Variants in FAM184B observed in about 807,000 individuals in gnomAD.
FAM184B encodes the protein family with sequence similarity 184 member B.
FAM184B carries 111 observed loss-of-function variants against 135.9 expected under a neutral mutation model. The ratio of observed to expected loss-of-function variants is 0.82; its 90% CI spans 0.70 to 0.96. The LOEUF (loss-of-function observed/expected upper bound fraction) is 0.96. Among genes scored for constraint, FAM184B ranks in the 40% least tolerant of loss-of-function variants. The pLI is 0.00. For synonymous variants in FAM184B, 552 were observed against 524.8 expected (o/e 1.05, Z -0.71); for missense variants, 1,375 against 1,323.9 (o/e 1.04, Z -0.60).
At position 17,756,566 on chromosome 4, in the gene FAM184B, G is replaced by A. The variant is rs138195688; in HGVS notation, c.141+24593C>T. ...TTGTTTTGCTTTTCCAATATGAACCGTACCACCAGCTAACCAAATAGTTGA... is the reference window on the plus strand; with the variant it reads ...TTGTTTTGCTTTTCCAATATGAACCATACCACCAGCTAACCAAATAGTTGA... On this transcript the variant is annotated intron_variant, in intron 1 of 17. Transcript: ENST00000265018. Among the ~76,000 whole-genome samples the A allele has an allele frequency of 5.3e-5, 8 of 152,202 alleles. No homozygotes were observed. The East Asian group carries it at 1.2e-3, about 22-fold the overall frequency.
At chr4:17,748,199 C>T (rs972709607) in intron 1 of FAM184B, among the ~76,000 whole-genome samples, 2 of 151,828 alleles carry the variant, frequency 1.3e-5, no homozygotes, top group South Asian at 2.1e-4. Context: ...GCTGCTCCAC[C>T]GGAACCTCTC....
intron 5 of FAM184B, among the ~76,000 whole-genome samples, chr4:17,702,954 G>C (rs1483237222): frequency 2.0e-5 from 3 of 152,198 alleles, no homozygotes; most frequent in Admixed American, 6.5e-5. Flanking sequence ...TGCCTACCCA[G>C]TGTGAAGGTG....
chr4:17,738,586 C>T (rs749243568), intron 1 of FAM184B, among the ~76,000 whole-genome samples: 1 of 152,110 alleles, frequency 6.6e-6, no homozygotes, highest in African/African-American at 2.4e-5. Context: ...ATTTGCCACA[C>T]AGCTAATGAG....
At chr4:17,762,302 A>C (rs1471322514) in intron 1 of FAM184B, among the ~76,000 whole-genome samples, 1 of 152,260 alleles carries the variant, frequency 6.6e-6, no homozygotes, top group African/African-American at 2.4e-5. Flanking sequence ...AAAGATGCTC[A>C]CAAGAATGCC....
At chr4:17,762,295 G>C (rs1718565085) in intron 1 of FAM184B, among the ~76,000 whole-genome samples, 1 of 152,194 alleles carries the variant, frequency 6.6e-6, no homozygotes, top group Non-Finnish European at 1.5e-5. Flanking sequence ...ACTCAGAAAA[G>C]ATGCTCACAA....
In FAM184B at chr4:17,647,714, C is replaced by T. The variant is rs376068083; in HGVS notation, c.2269G>A (p.Glu757Lys). The change falls in exon 12 of 18, where the codon GAG becomes AAG. Residue 757 changes from glutamate (E) to lysine (K), a missense_variant. Transcript: ENST00000265018. ...TGCTGTCTGCCCAGAGCCCTCAGCT[C>T]GGCCTGCAGTGCCTCCAAGTCCTTC... ...HQKDLEALQAELRALGRQQAS... is the reference protein window; with the variant it reads ...HQKDLEALQAKLRALGRQQAS... 2.6e-5 allele frequency: 41 copies of T among 1,550,922 alleles called. No individual in the cohort carries two copies. Among genetic ancestry groups the T allele is most frequent in the Admixed American group, 5.9e-5 (3 of 50,982 alleles).
At chr4:17,766,646 T>G (rs1718699440) in intron 1 of FAM184B, among the ~76,000 whole-genome samples, 1 of 152,180 alleles carries the variant, frequency 6.6e-6, no homozygotes, top group Non-Finnish European at 1.5e-5. Flanking sequence ...TTACAAACCT[T>G]GAGCTAGACA....
intron 10 of FAM184B, among the ~76,000 whole-genome samples, chr4:17,654,745 T>C (rs1345079417): frequency 6.6e-6 from 1 of 152,194 alleles, no homozygotes; most frequent in African/African-American, 2.4e-5. Flanking sequence ...CAGCGGGTCA[T>C]GTGGAAGCTT....
intron 5 of FAM184B, among the ~76,000 whole-genome samples, chr4:17,703,231 G>A (rs761748108): frequency 4.0e-5 from 6 of 151,848 alleles, no homozygotes; most frequent in Non-Finnish European, 5.9e-5. Flanking sequence ...GCATGGTGGC[G>A]CATGCCTATA....
intron 1 of FAM184B, among the ~76,000 whole-genome samples, chr4:17,736,064 G>C (rs937103640): frequency 6.6e-6 from 1 of 152,172 alleles, no homozygotes; most frequent in East Asian, 1.9e-4. Context: ...GGTTTACAAG[G>C]TGGCAGGCAC....
At chr4:17,729,484 T>C (rs1577280074) in intron 1 of FAM184B, among the ~76,000 whole-genome samples, 1 of 152,192 alleles carries the variant, frequency 6.6e-6, no homozygotes, top group Non-Finnish European at 1.5e-5. Flanking sequence ...GCAGCCTAAC[T>C]GGGAGGCACC....
chr4:17,635,252 CA>C, intron 15 of FAM184B, 139 bp from the exon 16 acceptor site: 1 of 627,202 alleles, frequency 1.6e-6, no homozygotes, highest in Non-Finnish European at 2.7e-6. Context: ...ATAAAGCTGC[CA>C]GGCACTGAAG....
At chr4:17,713,712 T>C (rs756070128) in intron 1 of FAM184B, among the ~76,000 whole-genome samples, 5 of 151,896 alleles carry the variant, frequency 3.3e-5, no homozygotes, top group Non-Finnish European at 5.9e-5. Context: ...GAAGCACACG[T>C]TCTACACATG....
intron 1 of FAM184B, among the ~76,000 whole-genome samples, chr4:17,740,951 T>TA (rs932910103): frequency 2.3e-4 from 35 of 152,072 alleles, no homozygotes; most frequent in African/African-American, 8.0e-4. Flanking sequence ...TTACTTTTCT[T>TA]AAAAAAAATA....
At position 17,687,517 on chromosome 4, in the gene FAM184B, T is replaced by G. The variant is rs75597824; in HGVS notation, c.1596+907A>C. On this transcript the variant is annotated intron_variant, in intron 7 of 17. Transcript: ENST00000265018. ...AAGATATGCTGAAGTCTTAAGCCCC[T>G]GTACCTATGAATGTGATCTTATTTG... Among the ~76,000 whole-genome samples, 903 of 152,306 alleles carry G rather than the reference T, an allele frequency of 5.9e-3. 7 individuals are homozygous for G. Among genetic ancestry groups the G allele is most frequent in the African/African-American group, 0.021 (872 of 41,566 alleles).
intron 1 of FAM184B, among the ~76,000 whole-genome samples, chr4:17,736,581 A>G (rs893833970): frequency 4.6e-5 from 7 of 152,170 alleles, no homozygotes; most frequent in African/African-American, 1.4e-4. Flanking sequence ...TCAGTTCTCA[A>G]CCTACAACTT....
At chr4:17,734,062 C>G (rs1366295737) in intron 1 of FAM184B, among the ~76,000 whole-genome samples, 1 of 152,088 alleles carries the variant, frequency 6.6e-6, no homozygotes, top group Non-Finnish European at 1.5e-5. Flanking sequence ...ACAAAACTGA[C>G]AAAAACAAGC....
chr4:17,720,948 A>G (rs1196539367), intron 1 of FAM184B, among the ~76,000 whole-genome samples: 1 of 151,910 alleles, frequency 6.6e-6, no homozygotes, highest in African/African-American at 2.4e-5. Context: ...ATAGAATTTC[A>G]TATGATCCAG....
chr4:17,653,052 C>G, intron 10 of FAM184B, 69 bp from the exon 11 acceptor site: 1 of 1,447,830 alleles, frequency 6.9e-7, no homozygotes, highest in Non-Finnish European at 9.5e-7. Context: ...ACTCCTTTGC[C>G]AAGCTCTTCT....
Sources: allele counts gnomAD v4.1 joint callset (sites outside exome capture counted in the v4.1 genomes callset), GRCh38; gene constraint gnomAD v4.1.1; transcripts MANE v1.5; gene names NCBI Gene and HGNC (gene_info 2026-07-23, HGNC 2026-07-21).